CAMKMT: variants seen among roughly 807,000 people sequenced by gnomAD.
The protein encoded by CAMKMT is calmodulin-lysine N-methyltransferase.
A neutral mutation model predicts 48.0 loss-of-function variants in CAMKMT; 53 were observed. That is an observed-to-expected ratio of 1.10 (90% CI 0.89 to 1.39). The LOEUF (loss-of-function observed/expected upper bound fraction) is 1.39. CAMKMT is among the 40% of genes most tolerant of loss of function. The pLI is 0.00. For synonymous variants in CAMKMT, 165 were observed against 152.3 expected, an observed-to-expected ratio of 1.08 and a Z score of -0.61; for missense variants, 428 against 402.7, an observed-to-expected ratio of 1.06 and a Z score of -0.54.
chr2:44,438,792 G>A (rs994408913), intron 3 of CAMKMT, among the ~76,000 whole-genome samples: 1 of 152,120 alleles, frequency 6.6e-6, no homozygotes, highest in Non-Finnish European at 1.5e-5. Context: ...TTGCCTCCCA[G>A]GTTCAAGTGA....
chr2:44,407,364 G>T (rs1682857006), intron 3 of CAMKMT, among the ~76,000 whole-genome samples: 1 of 152,114 alleles, frequency 6.6e-6, no homozygotes, highest in Admixed American at 6.5e-5. Context: ...GCCATACCCT[G>T]TGCACATGAG....
chr2:44,717,992 G>A (rs1193676545), intron 7 of CAMKMT, among the ~76,000 whole-genome samples: 2 of 152,114 alleles, frequency 1.3e-5, no homozygotes, highest in Non-Finnish European at 2.9e-5. Context: ...CCCAGGTTGT[G>A]TGGGGCCTGA....
intron 6 of CAMKMT, 42 bp from the exon 7 acceptor site, chr2:44,715,245 C>G (rs343957): frequency 0.64 from 879,692 of 1,367,714 alleles, 286,318 homozygotes; most frequent in African/African-American, 0.91. Flanking sequence ...TTTTTGGTCA[C>G]TTCACAATCA....
chr2:44,436,158 C>G (rs1350917768), intron 3 of CAMKMT, among the ~76,000 whole-genome samples: 5 of 152,130 alleles, frequency 3.3e-5, no homozygotes, highest in Non-Finnish European at 7.3e-5. Context: ...TCACTGCAAC[C>G]TCCACCTCCC....
chr2:44,578,736 G>A lies in CAMKMT; in HGVS notation c.377-125547G>A, dbSNP rs748205363. Among the ~76,000 whole-genome samples the A allele has an allele frequency of 4.6e-5, 7 of 152,232 alleles. No homozygotes were observed. The East Asian group carries it at 7.7e-4, about 17-fold the overall frequency. ...ATCTTAGGGTTGTGAGTCATGGTCC[G>A]TATTATTTTTAAGTTGTTGCTTAAA... On this transcript the variant is annotated intron_variant, in intron 3 of 10. Transcript: ENST00000378494.
At chr2:44,591,195 C>A (rs908360956) in intron 3 of CAMKMT, among the ~76,000 whole-genome samples, 1 of 150,378 alleles carries the variant, frequency 6.6e-6, no homozygotes, top group African/African-American at 2.4e-5. Flanking sequence ...TGTGATGCCT[C>A]CAGCTTTGTT....
chr2:44,590,702 T>C (rs913191454), intron 3 of CAMKMT, among the ~76,000 whole-genome samples: 6 of 152,206 alleles, frequency 3.9e-5, no homozygotes, highest in African/African-American at 1.4e-4. Context: ...ATTTTATGGG[T>C]TGCCTGTTCA....
chr2:44,625,929 A>G (rs1672456263), intron 3 of CAMKMT, among the ~76,000 whole-genome samples: 2 of 152,198 alleles, frequency 1.3e-5, no homozygotes, highest in Non-Finnish European at 2.9e-5. Context: ...AAGTCCTTAA[A>G]TCAGGTACTG....
chr2:44,539,301 A>C (rs1270162582), intron 3 of CAMKMT, among the ~76,000 whole-genome samples: 22 of 144,414 alleles, frequency 1.5e-4, no homozygotes, highest in Non-Finnish European at 2.6e-4. Flanking sequence ...AAAAAAAAAA[A>C]CCCAAAAAAC....
chr2:44,587,113 C>T (rs1358712169), intron 3 of CAMKMT, among the ~76,000 whole-genome samples: 2 of 152,048 alleles, frequency 1.3e-5, no homozygotes, highest in African/African-American at 4.8e-5. Context: ...TTTTTGCCCA[C>T]TGTTAAATTT....
At chr2:44,638,594 G>A (rs1248056062) in intron 3 of CAMKMT, among the ~76,000 whole-genome samples, 3 of 152,122 alleles carry the variant, frequency 2.0e-5, no homozygotes, top group African/African-American at 7.2e-5. Flanking sequence ...GCTTCTCAAG[G>A]GAAAGGAAAT....
chr2:44,582,369 C>G (rs376811639), intron 3 of CAMKMT, among the ~76,000 whole-genome samples: 1 of 152,228 alleles, frequency 6.6e-6, no homozygotes, highest in African/African-American at 2.4e-5. Context: ...TGGTGCTGAT[C>G]ATTCAAATTC....
chr2:44,694,920 A>G (rs1676855204), intron 3 of CAMKMT, among the ~76,000 whole-genome samples: 1 of 152,244 alleles, frequency 6.6e-6, no homozygotes, highest in Non-Finnish European at 1.5e-5. Flanking sequence ...CTCCTATGAA[A>G]TAAACTCATT....
rs76090436 is a variant in CAMKMT at position 44,668,458 on chromosome 2, G to A, written c.377-35825G>A. On this transcript the variant is annotated intron_variant, in intron 3 of 10. Transcript: ENST00000378494. ...TCGACTCCTATCACCATAAAATCATGTGGCAGTATCACTCGTCTTCAGAAA... is the reference window on the plus strand; with the variant it reads ...TCGACTCCTATCACCATAAAATCATATGGCAGTATCACTCGTCTTCAGAAA... Among the ~76,000 whole-genome samples, 763 of 152,240 alleles carry A rather than the reference G, an allele frequency of 5.0e-3. 8 individuals carry two copies. The highest frequency in any genetic ancestry group is 0.017 in the African/African-American group (720 of 41,530).
At chr2:44,707,725 G>A (rs1257589194) in intron 6 of CAMKMT, among the ~76,000 whole-genome samples, 2 of 152,062 alleles carry the variant, frequency 1.3e-5, no homozygotes, top group African/African-American at 2.4e-5. Context: ...AAGAAAATTT[G>A]TTTCATAATA....
At chr2:44,395,185 C>T (rs2104428042) in intron 3 of CAMKMT, 1 of 338,338 alleles carries the variant, frequency 3.0e-6, no homozygotes, top group South Asian at 2.3e-5. Context: ...GTGAAATTAT[C>T]AAAGCTTCAA....
In CAMKMT at chr2:44,565,439, A is replaced by G. The variant is rs149704492; in HGVS notation, c.377-138844A>G. Among the ~76,000 whole-genome samples, 494 of 152,278 alleles carry G rather than the reference A, an allele frequency of 3.2e-3. 1 individual carries two copies. Among genetic ancestry groups the G allele is most frequent in the Middle Eastern group, 0.01 (3 of 294 alleles). On this transcript the variant is annotated intron_variant, in intron 3 of 10. Transcript: ENST00000378494. ...TCTCCTTTTGAAAAATGAAGGAGAG[A>G]TGAGATACTTTTTTAGATCCTTCCC...
intron 1 of CAMKMT, among the ~76,000 whole-genome samples, chr2:44,371,223 G>A (rs545919724): frequency 2.6e-5 from 4 of 152,262 alleles, no homozygotes; most frequent in Admixed American, 2.6e-4. Flanking sequence ...GACCTCTGGT[G>A]ATCTACCCAC....
chr2:44,427,773 G>A (rs1684373481), intron 3 of CAMKMT, among the ~76,000 whole-genome samples: 1 of 152,118 alleles, frequency 6.6e-6, no homozygotes. Context: ...TATTGAATTT[G>A]TGGCCCAAAC....
Sources: gnomAD v4.1 joint callset for allele counts (sites outside exome capture counted in the v4.1 genomes callset) on GRCh38, gnomAD v4.1.1 for gene constraint, MANE v1.5 for transcripts, NCBI Gene and HGNC (gene_info 2026-07-23, HGNC 2026-07-21) for gene names.